COL4A2: variants seen among roughly 807,000 people sequenced by gnomAD.
COL4A2 encodes collagen alpha-2(IV) chain.
A neutral mutation model predicts 200.2 loss-of-function variants in COL4A2; 99 were observed. The ratio of observed to expected loss-of-function variants is 0.49; its 90% CI spans 0.42 to 0.58. COL4A2 has a LOEUF of 0.58. Ranked by LOEUF, COL4A2 falls within the 20% of genes least tolerant of loss-of-function variation. The probability of loss-of-function intolerance (pLI) is 0.00; values close to 1 mark genes in which losing one functional copy is unlikely to be tolerated. For synonymous variants in COL4A2, 897 were observed against 900.6 expected (o/e 1.00, Z 0.07); for missense variants, 1,950 against 2,314.1 (o/e 0.84, Z 3.23).
intron 40 of COL4A2, among the ~76,000 whole-genome samples, chr13:110,498,619 C>T (rs894565120): frequency 7.9e-5 from 12 of 152,238 alleles, no homozygotes; most frequent in African/African-American, 2.7e-4. Context: ...AGATTTATCT[C>T]ATTTATTTTC....
At chr13:110,408,655 C>T (rs1879671578) in intron 4 of COL4A2, among the ~76,000 whole-genome samples, 2 of 152,120 alleles carry the variant, frequency 1.3e-5, no homozygotes, top group Non-Finnish European at 2.9e-5. Context: ...TTCATATGGT[C>T]GGGCGTGGAC....
At position 110,508,043 on chromosome 13, in the gene COL4A2, C is replaced by A; in HGVS notation, c.4703C>A (p.Ser1568Tyr). 6.2e-7 allele frequency: 1 copy of A among 1,614,252 alleles called. No homozygotes were observed. Among genetic ancestry groups the A allele is most frequent in the African/African-American group, 1.3e-5 (1 of 75,076 alleles). The stretch of plus-strand genomic sequence containing the variant: ...CGGAACGACAAGTCCTACTGGCTCT[C>A]TACCACTGCGCCGCTGCCCATGATG... ...ASRNDKSYWL[S>Y]TTAPLPMMPV... Residue 1568 changes from serine (S) to tyrosine (Y), a missense_variant, in exon 47 of 48, where the codon TCT becomes TAT. Physicochemically the swap from Ser to Tyr is moderately radical, Grantham distance 144. Transcript: ENST00000360467. The surrounding 1 kb of genome is among the most constrained non-coding windows in gnomAD (Gnocchi z 6.1).
rs981606313 is a variant in COL4A2 at position 110,508,567 on chromosome 13, G to A, written c.4881+346G>A. Among the ~76,000 whole-genome samples, 2 of 152,176 alleles carry A rather than the reference G, an allele frequency of 1.3e-5. No individual in the cohort carries two copies. The highest frequency in any genetic ancestry group is 4.8e-5 in the African/African-American group (2 of 41,448). On this transcript the variant is annotated intron_variant, in intron 47 of 47. Coordinates refer to ENST00000360467, the MANE Select transcript of COL4A2 (RefSeq NM_001846.4). The surrounding 1 kb of genome is among the most constrained non-coding windows in gnomAD (Gnocchi z 6.1). ...GGTTTACCAGAAGTCTAAATATATG[G>A]GAGACTTTTCTCTAGAATCCTGATC... is the stretch of plus-strand genomic sequence containing the variant.
intron 4 of COL4A2, among the ~76,000 whole-genome samples, chr13:110,411,330 T>A (rs1879826673): frequency 6.6e-6 from 1 of 152,272 alleles, no homozygotes; most frequent in African/African-American, 2.4e-5. Context: ...TAATGCAGCC[T>A]GTTTTCAACA....
At chr13:110,397,236 G>A (rs1003861455) in intron 4 of COL4A2, among the ~76,000 whole-genome samples, 7 of 152,232 alleles carry the variant, frequency 4.6e-5, no homozygotes, top group African/African-American at 1.7e-4. Context: ...CGTCAGAACA[G>A]TCTTGGACTT....
chr13:110,512,471 C>G lies in COL4A2; in HGVS notation c.*280C>G, dbSNP rs118089787. The stretch of plus-strand genomic sequence containing the variant: ...CGCCTGAAGGCACAGCTAACCACTT[C>G]GCACACACCCATGTAACCACTGCAC... On this transcript the variant is annotated 3_prime_UTR_variant, in exon 48 of 48. Coordinates refer to ENST00000360467, the MANE Select transcript of COL4A2 (RefSeq NM_001846.4). 842 of 510,364 alleles carry G rather than the reference C, an allele frequency of 1.6e-3. 16 individuals are homozygous for G. The East Asian group carries it at 0.027, about 16-fold the overall frequency. 31.6% of individuals were successfully genotyped at this position (510,364 alleles called of 1,614,324 possible).
chr13:110,431,161 T>C (rs1221565615), intron 10 of COL4A2, among the ~76,000 whole-genome samples: 1 of 152,188 alleles, frequency 6.6e-6, no homozygotes, highest in Non-Finnish European at 1.5e-5. Flanking sequence ...GGAAGGTGGA[T>C]TGGCCACTGC....
intron 3 of COL4A2, among the ~76,000 whole-genome samples, chr13:110,343,062 G>A (rs368382092): frequency 5.9e-5 from 9 of 152,184 alleles, no homozygotes; most frequent in African/African-American, 2.2e-4. Context: ...TATCGACAGA[G>A]GTTAGCGTCC....
chr13:110,475,050 G>GCT (rs1007278548), intron 29 of COL4A2, among the ~76,000 whole-genome samples: 8 of 149,006 alleles, frequency 5.4e-5, no homozygotes, highest in African/African-American at 2.0e-4. Flanking sequence ...GCCTATGCAC[G>GCT]CTCACACATG....
intron 3 of COL4A2, among the ~76,000 whole-genome samples, chr13:110,335,397 G>GT (rs1331477047): frequency 6.6e-6 from 1 of 152,128 alleles, no homozygotes; most frequent in Non-Finnish European, 1.5e-5. Context: ...TTGCGGTAGA[G>GT]TAAGTCTCAT....
chr13:110,382,475 G>T (rs1461011305), intron 4 of COL4A2, among the ~76,000 whole-genome samples: 1 of 152,198 alleles, frequency 6.6e-6, no homozygotes, highest in Non-Finnish European at 1.5e-5. Context: ...AGACTAGGGA[G>T]CATGAATCAT....
chr13:110,337,084 C>A (rs1302367257), intron 3 of COL4A2, among the ~76,000 whole-genome samples: 1 of 152,214 alleles, frequency 6.6e-6, no homozygotes, highest in Non-Finnish European at 1.5e-5. Flanking sequence ...CTGCGTTTAT[C>A]TATGGATGCT....
intron 28 of COL4A2, among the ~76,000 whole-genome samples, chr13:110,469,903 C>T (rs1390911193): frequency 2.6e-5 from 2 of 75,750 alleles, no homozygotes; most frequent in South Asian, 4.9e-4. Flanking sequence ...GGGGCATACA[C>T]GTCTTTTTTT....
intron 4 of COL4A2, among the ~76,000 whole-genome samples, chr13:110,369,001 G>C (rs1292740133): frequency 6.6e-6 from 1 of 152,188 alleles, no homozygotes. Flanking sequence ...GAGGTCAAGA[G>C]ATGGAGACCA....
chr13:110,503,984 G>A lies in COL4A2; in HGVS notation c.4276G>A (p.Gly1426Arg), dbSNP rs2139553655. 2 of 1,557,416 alleles carry A rather than the reference G, an allele frequency of 1.3e-6. No homozygotes were observed. The highest frequency in any genetic ancestry group is 1.9e-4 in the Middle Eastern group (1 of 5,366). Reference protein sequence around the residue: ...PGEMGPQGPPGEPGFRGAPGK... With the variant: ...PGEMGPQGPPREPGFRGAPGK... ...GGAGATGGGGCCCCAGGGCCCCCCC[G>A]GAGAACCAGGTAGAGTGCTGAGCTG... Residue 1426 changes from glycine to arginine, a missense_variant, in exon 44 of 48, where the codon GGA (glycine) becomes AGA (arginine). Physicochemically the swap from Gly to Arg is moderately radical, Grantham distance 125. Transcript: ENST00000360467.
chr13:110,395,782 T>TA (rs1331374578), intron 4 of COL4A2, among the ~76,000 whole-genome samples: 1 of 152,060 alleles, frequency 6.6e-6, no homozygotes, highest in African/African-American at 2.4e-5. Context: ...CCGTCTCTGC[T>TA]AAAAATATAA....
intron 20 of COL4A2, among the ~76,000 whole-genome samples, chr13:110,454,442 C>A (rs558753860): frequency 6.6e-6 from 1 of 152,260 alleles, no homozygotes; most frequent in East Asian, 1.9e-4. Flanking sequence ...ATGGTGACAT[C>A]TCTGAAGTGT....
chr13:110,464,589 C>T (rs904567517), intron 24 of COL4A2, among the ~76,000 whole-genome samples: 2 of 149,168 alleles, frequency 1.3e-5, no homozygotes, highest in South Asian at 2.1e-4. Context: ...AGAGCTGGAC[C>T]GGTGTCCCTG....
At chr13:110,315,737 A>G (rs1286518770) in intron 3 of COL4A2, among the ~76,000 whole-genome samples, 1 of 152,182 alleles carries the variant, frequency 6.6e-6, no homozygotes, top group Non-Finnish European at 1.5e-5. Flanking sequence ...TCTTTAGCTG[A>G]CATTGCTGTT....
Sources: allele counts gnomAD v4.1 joint callset (sites outside exome capture counted in the v4.1 genomes callset), GRCh38; gene constraint gnomAD v4.1.1; non-coding constraint Gnocchi (gnomAD v3.1); transcripts MANE v1.5; gene names NCBI Gene and HGNC (gene_info 2026-07-23, HGNC 2026-07-21).